EPHB2: variants seen among roughly 807,000 people sequenced by gnomAD.
EPHB2 encodes the protein EPH receptor B2, also known as ephrin type-B receptor 2.
A neutral mutation model predicts 96.4 loss-of-function variants in EPHB2; 18 were observed. That is an observed-to-expected ratio of 0.19 (90% CI 0.13 to 0.28). EPHB2 has a LOEUF of 0.28. Ranked by LOEUF, EPHB2 falls within the 10% of genes least tolerant of loss-of-function variation. The pLI, the probability that EPHB2 is intolerant of heterozygous loss-of-function variation, is 1.00. For synonymous variants in EPHB2, 506 were observed against 534.1 expected (o/e 0.95, Z 0.72); for missense variants, 989 against 1,355.4 (o/e 0.73, Z 4.25).
rs1320677002 is a variant in EPHB2 at position 22,907,939 on chromosome 1, C to G, written c.2137-14C>G. 2 of 1,613,958 alleles carry G rather than the reference C, an allele frequency of 1.2e-6. No homozygotes were observed. The highest frequency in any genetic ancestry group is 1.7e-6 in the Non-Finnish European group (2 of 1,179,918). ...TCTTCTGTTTACTCTGTGTTTTCCCCACTTCTCCCAAAGCAAAACGATGGG... is the reference window on the plus strand; with the variant it reads ...TCTTCTGTTTACTCTGTGTTTTCCCGACTTCTCCCAAAGCAAAACGATGGG... On this transcript the variant is annotated splice_polypyrimidine_tract_variant and intron_variant, in intron 11 of 15. Transcript: ENST00000374630.
intron 1 of EPHB2, among the ~76,000 whole-genome samples, chr1:22,720,671 C>A (rs565133380): frequency 5.0e-5 from 6 of 119,118 alleles, no homozygotes; most frequent in Non-Finnish European, 9.4e-5. Context: ...CCCCCCCCCC[C>A]CCGCCCCAGC....
intron 3 of EPHB2, among the ~76,000 whole-genome samples, chr1:22,803,615 TAA>T (rs1491096202): frequency 1.6e-5 from 2 of 126,610 alleles, no homozygotes; most frequent in Non-Finnish European, 3.2e-5. Context: ...CAAAAAAAAA[TAA>T]TATATATATA....
At chr1:22,831,356 C>T (rs1014885645) in intron 3 of EPHB2, among the ~76,000 whole-genome samples, 6 of 152,134 alleles carry the variant, frequency 3.9e-5, no homozygotes, top group Admixed American at 3.9e-4. Context: ...TGCTACCTCC[C>T]CCCTTAGCAG....
rs113106273 is a variant in EPHB2 at position 22,768,390 on chromosome 1, C to G, written c.62-13031C>G. On this transcript the variant is annotated intron_variant, in intron 1 of 15. Transcript: ENST00000374630. The stretch of plus-strand genomic sequence containing the variant: ...AGTCTTAGTCCTTCAACCTGGTATT[C>G]AAGACTCTTTGTGAGGCCAGGCACA... 2.1e-3 allele frequency among the ~76,000 whole-genome samples: 320 copies of G among 152,252 alleles called. 4 individuals carry two copies. Among genetic ancestry groups the G allele is most frequent in the African/African-American group, 7.3e-3 (303 of 41,538 alleles).
At chr1:22,793,329 C>T (rs1382631258) in intron 3 of EPHB2, among the ~76,000 whole-genome samples, 1 of 152,120 alleles carries the variant, frequency 6.6e-6, no homozygotes, top group Non-Finnish European at 1.5e-5. Flanking sequence ...CTCGGGCTGC[C>T]AGTCTAGGGC....
chr1:22,782,647 A>G (rs1363319929), intron 2 of EPHB2, among the ~76,000 whole-genome samples: 5 of 152,196 alleles, frequency 3.3e-5, no homozygotes, highest in African/African-American at 7.2e-5. Flanking sequence ...TTTAGGCTGC[A>G]GGGCCTCCGC....
Position 22,761,904 on chromosome 1 carries a change from A to T in EPHB2, c.62-19517A>T, listed in dbSNP as rs544670489. On this transcript the variant is annotated intron_variant, in intron 1 of 15. Transcript: ENST00000374630. ...CCAGCTCTGGCTCCCCAGCAGAGGG[A>T]GGGGGGCGTCCACGTGTCTGCTGCG... Among the ~76,000 whole-genome samples the T allele has an allele frequency of 1.6e-3, 246 of 152,278 alleles. 1 individual carries two copies. The highest frequency in any genetic ancestry group is 5.3e-3 in the African/African-American group (222 of 41,542).
chr1:22,869,623 G>C (rs1387039256), intron 5 of EPHB2, among the ~76,000 whole-genome samples: 4 of 152,116 alleles, frequency 2.6e-5, no homozygotes. Context: ...AAGTACAGCA[G>C]GCAACTGGAG....
At chr1:22,826,648 C>G (rs1645228383) in intron 3 of EPHB2, among the ~76,000 whole-genome samples, 1 of 152,238 alleles carries the variant, frequency 6.6e-6, no homozygotes, top group South Asian at 2.1e-4. Flanking sequence ...GTCACGCCTG[C>G]CTCCCCCAGG....
At chr1:22,848,821 A>G (rs1183373956) in intron 3 of EPHB2, among the ~76,000 whole-genome samples, 1 of 152,264 alleles carries the variant, frequency 6.6e-6, no homozygotes, top group Non-Finnish European at 1.5e-5. Flanking sequence ...AAGCAGAGCA[A>G]CCTTCCAGGT....
At chr1:22,798,834 G>A (rs1214462698) in intron 3 of EPHB2, among the ~76,000 whole-genome samples, 2 of 152,144 alleles carry the variant, frequency 1.3e-5, no homozygotes, top group Admixed American at 6.5e-5. Context: ...GAGCTCAGAA[G>A]GCAGGAGCAG....
chr1:22,741,253 A>T (rs780777056), intron 1 of EPHB2, among the ~76,000 whole-genome samples: 5 of 151,832 alleles, frequency 3.3e-5, no homozygotes, highest in Admixed American at 6.6e-5. Context: ...CTCTCTCGCT[A>T]TGGGGCTGCT....
Position 22,906,771 on chromosome 1 carries a change from GGC to G in EPHB2, c.1951_1952del (p.Ala651HisfsTer95), listed in dbSNP as rs1639930087. On this transcript the variant is annotated frameshift_variant, in exon 11 of 16. Transcript: ENST00000374630. LOFTEE classifies it high-confidence loss of function. The surrounding 1 kb of genome is among the most constrained non-coding windows in gnomAD (Gnocchi z 4.8). ...KLPGKREIFV[A>X]IKTLKSGYTE... ...TGCCAGGCAAGAGAGAGATCTTTGT[GGC>G]CATCAAGACGCTCAAGTCGGGCTAC... 6.2e-7 allele frequency: 1 copy of G among 1,614,056 alleles called. No individual in the cohort carries two copies. The highest frequency in any genetic ancestry group is 1.3e-5 in the African/African-American group (1 of 74,914).
chr1:22,755,181 G>T (rs114261572), intron 1 of EPHB2, among the ~76,000 whole-genome samples: 2,303 of 152,182 alleles, frequency 0.015, 71 homozygotes, highest in African/African-American at 0.052. Context: ...TGCCGTCCTA[G>T]AATACAGTGT....
chr1:22,865,118 G>A lies in EPHB2; in HGVS notation c.1209G>A (p.Gln403=). 9.3e-6 allele frequency: 15 copies of A among 1,614,212 alleles called. No homozygotes were observed. The highest frequency in any genetic ancestry group is 1.3e-5 in the Non-Finnish European group (15 of 1,180,044). The change falls in exon 5 of 16, where the codon CAG becomes CAA. Residue 403 remains glutamine (Q), a synonymous_variant. Transcript: ENST00000374630. ...TCAGTGACCTGCTGGCCCACACCCAGTACACCTTCGAGATCCAGGCTGTGA... is the reference window on the plus strand; with the variant it reads ...TCAGTGACCTGCTGGCCCACACCCAATACACCTTCGAGATCCAGGCTGTGA... ...IYISDLLAHT[Q]YTFEIQAVNG...
chr1:22,722,908 G>A (rs1043661795), intron 1 of EPHB2, among the ~76,000 whole-genome samples: 1 of 152,190 alleles, frequency 6.6e-6, no homozygotes, highest in African/African-American at 2.4e-5. Flanking sequence ...AAGCAGCAAG[G>A]CAGCCATTCC....
chr1:22,781,229 A>G (rs1175821271), intron 1 of EPHB2, among the ~76,000 whole-genome samples, 192 bp from the exon 2 acceptor site: 1 of 150,846 alleles, frequency 6.6e-6, no homozygotes, highest in African/African-American at 2.4e-5. Context: ...CTGAGGCAGG[A>G]GAATGGCCTG....
At position 22,813,671 on chromosome 1, in the gene EPHB2, C is replaced by T. The variant is rs117579258; in HGVS notation, c.811+28595C>T. Among the ~76,000 whole-genome samples the T allele has an allele frequency of 1.8e-3, 281 of 152,332 alleles. 7 individuals carry two copies. In the East Asian group the frequency reaches 0.048, roughly 26 times the overall value. ...TCCCAGATGAAGCATCACTGTCCAC[C>T]AGCCATGTGACCACAGCAAGTGACT... On this transcript the variant is annotated intron_variant, in intron 3 of 15. Transcript: ENST00000374630.
rs1644593797 is a variant in EPHB2, at chr1:22,785,197, G to A, written c.811+121G>A. The A allele has an allele frequency of 2.4e-6, 3 of 1,272,230 alleles. No homozygotes were observed. In the African/African-American group the frequency reaches 4.5e-5, roughly 19 times the overall value. The allele number at this position is 1,272,230 out of a possible 1,614,324, so 78.8% of individuals were successfully genotyped here. ...TAGAGCTGACCATGAGGCACTCTAGGGCCAGGGTTTCCAAACCAGCAACCA... is the reference window on the plus strand; with the variant it reads ...TAGAGCTGACCATGAGGCACTCTAGAGCCAGGGTTTCCAAACCAGCAACCA... On this transcript the variant is annotated intron_variant, in intron 3 of 15. Transcript: ENST00000374630.
Sources: allele counts gnomAD v4.1 joint callset (sites outside exome capture counted in the v4.1 genomes callset), GRCh38; gene constraint gnomAD v4.1.1; non-coding constraint Gnocchi (gnomAD v3.1); transcripts MANE v1.5; gene names NCBI Gene and HGNC (gene_info 2026-07-23, HGNC 2026-07-21).